Variants in RBFOX1 observed in about 807,000 individuals in gnomAD.
The protein encoded by RBFOX1 is RNA binding protein fox-1 homolog 1.
RBFOX1 carries 8 observed loss-of-function variants against 57.7 expected under a neutral mutation model. The observed-to-expected ratio is 0.14, with a 90% CI of 0.08 to 0.25. RBFOX1 has a LOEUF of 0.25. Ranked by LOEUF, RBFOX1 falls within the 10% of genes least tolerant of loss-of-function variation. The probability of loss-of-function intolerance (pLI) is 1.00; values close to 1 mark genes in which losing one functional copy is unlikely to be tolerated. For missense variants in RBFOX1, 611 were observed against 548.5 expected, an observed-to-expected ratio of 1.11 and a Z score of -1.14; for synonymous variants, 326 against 222.4, an observed-to-expected ratio of 1.47 and a Z score of -4.15.
intron 2 of RBFOX1, among the ~76,000 whole-genome samples, chr16:5,580,401 G>T (rs1378319465): frequency 6.6e-6 from 1 of 152,216 alleles, no homozygotes; most frequent in Non-Finnish European, 1.5e-5. Flanking sequence ...AGGGGTAAGT[G>T]CCCACTGAGC....
intron 4 of RBFOX1, among the ~76,000 whole-genome samples, chr16:7,142,329 C>G (rs1349582622): frequency 6.6e-6 from 1 of 152,118 alleles, no homozygotes; most frequent in African/African-American, 2.4e-5. Flanking sequence ...TAGCCAAGTC[C>G]CATTTCACTT....
At chr16:7,195,503 CTGTT>C (rs1410808465) in intron 4 of RBFOX1, among the ~76,000 whole-genome samples, 1 of 151,978 alleles carries the variant, frequency 6.6e-6, no homozygotes, top group Non-Finnish European at 1.5e-5. Flanking sequence ...ATTTGAAAGA[CTGTT>C]TGAGGACCTA....
chr16:6,325,509 C>T (rs749948591), intron 2 of RBFOX1, among the ~76,000 whole-genome samples: 1 of 152,194 alleles, frequency 6.6e-6, no homozygotes, highest in Non-Finnish European at 1.5e-5. Flanking sequence ...GATATTTCTG[C>T]TGAATCCCTT....
intron 4 of RBFOX1, among the ~76,000 whole-genome samples, chr16:7,341,821 TCCTTC>T (rs2096903186): frequency 7.6e-6 from 1 of 132,338 alleles, no homozygotes; most frequent in Non-Finnish European, 1.6e-5. Flanking sequence ...CTTCCTTCCT[TCCTTC>T]CTTTTTGAGG....
At chr16:7,247,043 G>A (rs931166632) in intron 4 of RBFOX1, among the ~76,000 whole-genome samples, 1 of 152,136 alleles carries the variant, frequency 6.6e-6, no homozygotes, top group Non-Finnish European at 1.5e-5. Flanking sequence ...CACTTGTTTA[G>A]TGCATGTGTC....
chr16:7,273,006 C>G (rs1440467627), intron 4 of RBFOX1, among the ~76,000 whole-genome samples: 47 of 139,206 alleles, frequency 3.4e-4, no homozygotes, highest in Non-Finnish European at 7.7e-5. Flanking sequence ...TTCCTTCCTC[C>G]CTTCCTTTCT....
intron 3 of RBFOX1, among the ~76,000 whole-genome samples, chr16:5,835,795 C>G (rs1011022274): frequency 3.3e-5 from 5 of 152,216 alleles, no homozygotes; most frequent in Non-Finnish European, 5.9e-5. Flanking sequence ...TCATCTTCTT[C>G]TTTAGTCTTT....
intron 3 of RBFOX1, among the ~76,000 whole-genome samples, chr16:7,038,300 G>T (rs528559636): frequency 6.6e-6 from 1 of 152,138 alleles, no homozygotes; most frequent in Non-Finnish European, 1.5e-5. Flanking sequence ...TTTGGGATGG[G>T]ATGGGGTTGA....
chr16:5,385,963 A>G (rs11859137), intron 1 of RBFOX1, among the ~76,000 whole-genome samples: 77,723 of 151,984 alleles, frequency 0.51, 20,248 homozygotes, highest in Middle Eastern at 0.56. Flanking sequence ...TTTTTTGTAC[A>G]TCTAAACCAC....
Position 6,694,322 on chromosome 16 carries a change from A to G in RBFOX1, c.-16+39672A>G, listed in dbSNP as rs545197878. Among the ~76,000 whole-genome samples, 36 of 152,326 alleles carry G rather than the reference A, an allele frequency of 2.4e-4. No homozygotes were observed. In the East Asian group the frequency reaches 6.4e-3, roughly 27 times the overall value. On this transcript the variant is annotated intron_variant, in intron 3 of 15. Transcript: ENST00000550418. The stretch of plus-strand genomic sequence containing the variant: ...TTTATCTTGACAAACAATTTAAGAG[A>G]TTATCTGGCATTTGGAGTTGGCGGA...
At chr16:5,813,511 T>C (rs1413053186) in intron 3 of RBFOX1, among the ~76,000 whole-genome samples, 2 of 152,222 alleles carry the variant, frequency 1.3e-5, no homozygotes, top group East Asian at 3.8e-4. Flanking sequence ...TGCCACAGTA[T>C]GGATAAACCT....
At chr16:6,142,252 T>C (rs1216926418) in intron 1 of RBFOX1, among the ~76,000 whole-genome samples, 3 of 144,908 alleles carry the variant, frequency 2.1e-5, no homozygotes, top group Middle Eastern at 3.4e-3. Context: ...GACGGAGTCT[T>C]GCTCTGTCAC....
chr16:7,538,138 A>C (rs934531607), intron 5 of RBFOX1, among the ~76,000 whole-genome samples: 1 of 152,196 alleles, frequency 6.6e-6, no homozygotes, highest in Non-Finnish European at 1.5e-5. Context: ...CTGGAGGGAC[A>C]TACATCCTAG....
intron 3 of RBFOX1, among the ~76,000 whole-genome samples, chr16:5,721,473 A>G (rs569976020): frequency 2.0e-4 from 30 of 152,090 alleles, no homozygotes; most frequent in Admixed American, 5.2e-4. Context: ...TTCTTGCCCA[A>G]TTGCCCTGGC....
intron 3 of RBFOX1, among the ~76,000 whole-genome samples, chr16:5,768,283 G>C (rs1488141076): frequency 2.6e-5 from 4 of 152,144 alleles, no homozygotes; most frequent in Non-Finnish European, 4.4e-5. Context: ...CAAAGGAAGC[G>C]CTGAAATGTG....
intron 4 of RBFOX1, among the ~76,000 whole-genome samples, chr16:7,357,453 T>C (rs2097238518): frequency 6.6e-6 from 1 of 152,192 alleles, no homozygotes; most frequent in African/African-American, 2.4e-5. Context: ...ATCCAGGTTT[T>C]TTCCACTTTC....
chr16:6,868,035 C>T lies in RBFOX1; in HGVS notation c.-15-184022C>T, dbSNP rs148623592. ...TACTATACTTCAGTTAACTTATTTG[C>T]GAAATATAGGTATTATAGTAATGTT... is the stretch of plus-strand genomic sequence containing the variant. On this transcript the variant is annotated intron_variant, in intron 3 of 15. Transcript: ENST00000550418. 3.4e-3 allele frequency among the ~76,000 whole-genome samples: 510 copies of T among 152,038 alleles called. 5 individuals carry two copies. Among genetic ancestry groups the T allele is most frequent in the South Asian group, 5.8e-3 (28 of 4,820 alleles).
intron 3 of RBFOX1, among the ~76,000 whole-genome samples, chr16:6,746,315 T>C (rs1456913420): frequency 6.6e-6 from 1 of 152,060 alleles, no homozygotes; most frequent in African/African-American, 2.4e-5. Flanking sequence ...CAAAATATCT[T>C]TGAAAAAAAC....
chr16:7,643,843 T>TAACA (rs2063263471), intron 11 of RBFOX1, among the ~76,000 whole-genome samples: 1 of 152,150 alleles, frequency 6.6e-6, no homozygotes, highest in African/African-American at 2.4e-5. Flanking sequence ...CTTAAGTATC[T>TAACA]AACAGAAGAA....
Sources: allele counts gnomAD v4.1 joint callset (sites outside exome capture counted in the v4.1 genomes callset), GRCh38; gene constraint gnomAD v4.1.1; transcripts MANE v1.5; gene names NCBI Gene and HGNC (gene_info 2026-07-23, HGNC 2026-07-21).